The following RBM19 variants were observed in gnomAD, a reference collection of about 807,000 sequenced individuals.
The protein encoded by RBM19 is RNA binding motif protein 19, also known as probable RNA-binding protein 19.
A neutral mutation model predicts 116.8 loss-of-function variants in RBM19; 94 were observed. The observed-to-expected ratio is 0.80, with a 90% CI of 0.68 to 0.95. The LOEUF (loss-of-function observed/expected upper bound fraction) is 0.95. RBM19 is among the 40% of genes least tolerant of loss of function. RBM19 has a pLI of 0.00. For missense variants in RBM19, 1,161 were observed against 1,220.7 expected (o/e 0.95, Z 0.73); for synonymous variants, 475 against 494.1 (o/e 0.96, Z 0.51).
At chr12:113,823,389 A>C (rs1347782136) in intron 23 of RBM19, 68 bp from the exon 24 acceptor site, 9 of 1,396,568 alleles carry the variant, frequency 6.4e-6, no homozygotes, top group African/African-American at 1.4e-5. Context: ...AGGAAGAGAG[A>C]AATGACAGAG....
At chr12:113,858,386 C>G (rs1878081485) in intron 22 of RBM19, among the ~76,000 whole-genome samples, 1 of 152,214 alleles carries the variant, frequency 6.6e-6, no homozygotes, top group Non-Finnish European at 1.5e-5. Flanking sequence ...GTGGCTGCTT[C>G]TTGGGTGTCT....
chr12:113,894,455 G>A (rs1881187134), intron 21 of RBM19, among the ~76,000 whole-genome samples: 1 of 152,182 alleles, frequency 6.6e-6, no homozygotes, highest in Admixed American at 6.5e-5. Context: ...CTCTGAGGGA[G>A]GGGCATCTCT....
At chr12:113,826,856 C>T (rs574734482) in intron 23 of RBM19, among the ~76,000 whole-genome samples, 56 of 152,094 alleles carry the variant, frequency 3.7e-4, no homozygotes, top group Non-Finnish European at 6.8e-4. Context: ...GGGGCTCTTA[C>T]GCGGAGCCTG....
intron 23 of RBM19, among the ~76,000 whole-genome samples, chr12:113,830,593 G>GGGT (rs1875325701): frequency 1.7e-5 from 1 of 57,968 alleles, no homozygotes; most frequent in Non-Finnish European, 3.4e-5. Flanking sequence ...GGGGGGGTGG[G>GGGT]CTATGCCTGG....
At chr12:113,930,401 C>T (rs1426619218) in intron 16 of RBM19, among the ~76,000 whole-genome samples, 1 of 152,244 alleles carries the variant, frequency 6.6e-6, no homozygotes, top group Non-Finnish European at 1.5e-5. Context: ...TCTTTAAATG[C>T]CCAGGCACCT....
intron 22 of RBM19, among the ~76,000 whole-genome samples, chr12:113,846,808 G>C (rs1877019959): frequency 6.6e-6 from 1 of 152,172 alleles, no homozygotes; most frequent in Non-Finnish European, 1.5e-5. Context: ...GAACCCCTGG[G>C]CTCAAGCAAT....
intron 21 of RBM19, among the ~76,000 whole-genome samples, chr12:113,871,860 C>T (rs372509744): frequency 2.0e-5 from 3 of 152,030 alleles, no homozygotes; most frequent in Non-Finnish European, 4.4e-5. Context: ...GAGGAGCGGA[C>T]GGGCCCCGCG....
At chr12:113,875,831 A>G (rs531272287) in intron 21 of RBM19, among the ~76,000 whole-genome samples, 1 of 152,302 alleles carries the variant, frequency 6.6e-6, no homozygotes, top group South Asian at 2.1e-4. Context: ...AAAGCCCAGG[A>G]TGTGCTTCAT....
rs1874751072 is a variant in RBM19, at chr12:113,825,185, G to C, written c.2786-1864C>G. Among the ~76,000 whole-genome samples, 2 of 152,360 alleles carry C rather than the reference G, an allele frequency of 1.3e-5. No homozygotes were observed. Among genetic ancestry groups the C allele is most frequent in the South Asian group, 4.1e-4 (2 of 4,830 alleles). Reference sequence around the variant, plus strand: ...ATCCCAGAAAGGGGAATGAGCGGACGGAGCAAGGGTGAGAGAGAGACGGCA... The same window carrying C: ...ATCCCAGAAAGGGGAATGAGCGGACCGAGCAAGGGTGAGAGAGAGACGGCA... On this transcript the variant is annotated intron_variant, in intron 23 of 23. Coordinates refer to ENST00000261741, the MANE Select transcript of RBM19 (RefSeq NM_016196.4). The surrounding 1 kb of genome is among the most constrained non-coding windows in gnomAD (Gnocchi z 5.7).
intron 23 of RBM19, among the ~76,000 whole-genome samples, chr12:113,837,880 C>G (rs1361765208): frequency 6.6e-6 from 1 of 152,216 alleles, no homozygotes; most frequent in Admixed American, 6.5e-5. Context: ...AGATGTATAA[C>G]AAACTCAATG....
chr12:113,914,902 T>C, intron 21 of RBM19, 67 bp downstream of exon 21: 1 of 1,399,794 alleles, frequency 7.1e-7, no homozygotes, highest in East Asian at 2.3e-5. Context: ...AAAGGCCATC[T>C]TCCCTGAGAC....
chr12:113,936,950 C>G, intron 16 of RBM19, 57 bp downstream of exon 16: 1 of 1,591,256 alleles, frequency 6.3e-7, no homozygotes, highest in East Asian at 2.2e-5. Context: ...GCCCCCAACC[C>G]TCCTCCTTTC....
Position 113,945,912 on chromosome 12 carries a change from C to T in RBM19, c.1542G>A (p.Trp514Ter), listed in dbSNP as rs1275901781. The T allele has an allele frequency of 1.3e-6, 2 of 1,578,510 alleles. No individual in the cohort carries two copies. Among genetic ancestry groups the T allele is most frequent in the Non-Finnish European group, 1.7e-6 (2 of 1,147,602 alleles). Residue 514 changes from tryptophan to a stop codon, truncating the protein, a stop_gained, in exon 13 of 24, where the codon TGG becomes TGA. Coordinates refer to ENST00000261741, the MANE Select transcript of RBM19 (RefSeq NM_016196.4). LOFTEE classifies it high-confidence loss of function. ...DKANSASSHN[W>*]NTLFMGPNAV... ...CATTCGGCCCCATGAATAGTGTGTT[C>T]CAGTTGTGAGAGCTAAGAGGCAGAG...
At chr12:113,943,294 G>A (rs750353104) in intron 13 of RBM19, among the ~76,000 whole-genome samples, 5 of 152,078 alleles carry the variant, frequency 3.3e-5, no homozygotes, top group African/African-American at 7.3e-5. Context: ...GCTGCATTCC[G>A]AGAACTCAGA....
chr12:113,827,617 C>T (rs374626905), intron 23 of RBM19, among the ~76,000 whole-genome samples: 8 of 151,924 alleles, frequency 5.3e-5, no homozygotes, highest in South Asian at 4.2e-4. Context: ...GGGAGAAGAG[C>T]GTGGCTGATA....
At position 113,862,691 on chromosome 12, in the gene RBM19, GGGCACCCA is replaced by G. The variant is rs1209463865; in HGVS notation, c.2559-3803_2559-3796del. On this transcript the variant is annotated intron_variant, in intron 21 of 23. Transcript: ENST00000261741. ...GGGACTGGGGAGGAAGAAAATCACA[GGGCACCCA>G]GGAACTCCTCCCTGAGCCCAACTCT... Among the ~76,000 whole-genome samples, 17 of 152,226 alleles carry G rather than the reference GGGCACCCA, an allele frequency of 1.1e-4. No homozygotes were observed. In the East Asian group the frequency reaches 2.7e-3, roughly 24 times the overall value.
intron 21 of RBM19, among the ~76,000 whole-genome samples, chr12:113,887,841 C>G (rs1880650540): frequency 6.6e-6 from 1 of 151,652 alleles, no homozygotes; most frequent in Non-Finnish European, 1.5e-5. Flanking sequence ...TTACCTCAGC[C>G]CCCTGAGTAC....
At chr12:113,830,940 C>T (rs1020685297) in intron 23 of RBM19, among the ~76,000 whole-genome samples, 18 of 152,144 alleles carry the variant, frequency 1.2e-4, no homozygotes, top group African/African-American at 3.9e-4. Flanking sequence ...TGCAAAGGCT[C>T]GAGGGTCCAG....
At chr12:113,943,769 G>C (rs1870777778) in intron 13 of RBM19, among the ~76,000 whole-genome samples, 1 of 152,160 alleles carries the variant, frequency 6.6e-6, no homozygotes, top group Non-Finnish European at 1.5e-5. Flanking sequence ...GTTTTGGTTA[G>C]CCGAGATCAC....
Sources: gnomAD v4.1 joint callset for allele counts (sites outside exome capture counted in the v4.1 genomes callset) on GRCh38, gnomAD v4.1.1 for gene constraint, Gnocchi (gnomAD v3.1) non-coding constraint, MANE v1.5 for transcripts, NCBI Gene and HGNC (gene_info 2026-07-23, HGNC 2026-07-21) for gene names.